ZC3H4: variants seen among roughly 807,000 people sequenced by gnomAD.
ZC3H4 encodes zinc finger CCCH domain-containing protein 4.
In ZC3H4, 13 loss-of-function variants were observed where a neutral mutation model predicts 108.3. The observed-to-expected ratio is 0.12, with a 90% CI of 0.08 to 0.19. The LOEUF (loss-of-function observed/expected upper bound fraction) is 0.19, where lower values mean the gene tolerates loss of function less well. ZC3H4 is among the 10% of genes least tolerant of loss of function. The probability of loss-of-function intolerance (pLI) is 1.00; values close to 1 mark genes in which losing one functional copy is unlikely to be tolerated. For missense variants in ZC3H4, 1,734 were observed against 1,838.8 expected, an observed-to-expected ratio of 0.94 and a Z score of 1.04; for synonymous variants, 917 against 749.6, an observed-to-expected ratio of 1.22 and a Z score of -3.65.
At chr19:47,079,072 C>T (rs150600173) in intron 11 of ZC3H4, among the ~76,000 whole-genome samples, 1 of 149,960 alleles carries the variant, frequency 6.7e-6, no homozygotes, top group Admixed American at 6.6e-5. Flanking sequence ...TCTTGTTGCC[C>T]AGGCTGGAGT....
At chr19:47,099,459 C>CA (rs1163189126) in intron 2 of ZC3H4, among the ~76,000 whole-genome samples, 1,888 of 127,570 alleles carry the variant, frequency 0.015, 25 homozygotes, top group African/African-American at 0.028. Flanking sequence ...AACTCCGTCT[C>CA]AAAAAAAAAA....
intron 2 of ZC3H4, chr19:47,112,079 C>A (rs2058046406): frequency 4.5e-5 from 45 of 1,005,392 alleles, no homozygotes; most frequent in Non-Finnish European, 5.2e-5. Flanking sequence ...GTCTCCGCAG[C>A]ACCCCCCACG....
chr19:47,100,430 T>C (rs1009543988), intron 2 of ZC3H4, among the ~76,000 whole-genome samples: 2 of 152,072 alleles, frequency 1.3e-5, no homozygotes, highest in Admixed American at 1.3e-4. Flanking sequence ...GCCATTTCCA[T>C]GGTAACGTGC....
At chr19:47,094,991 GC>G (rs1233043590) in intron 2 of ZC3H4, among the ~76,000 whole-genome samples, 1 of 152,216 alleles carries the variant, frequency 6.6e-6, no homozygotes, top group African/African-American at 2.4e-5. Flanking sequence ...CTTCCAGGAA[GC>G]CCCATAGTCC....
chr19:47,072,704 C>T lies in ZC3H4; in HGVS notation c.1450G>A (p.Asp484Asn), dbSNP rs764830904. The T allele has an allele frequency of 1.6e-5, 26 of 1,613,598 alleles. No individual in the cohort carries two copies. Among genetic ancestry groups the T allele is most frequent in the Middle Eastern group, 1.6e-4 (1 of 6,082 alleles). Residue 484 changes from aspartate (D) to asparagine (N), a missense_variant, in exon 12 of 15, where the codon GAT (aspartate) becomes AAT (asparagine). By Grantham distance (23) the Asp-to-Asn change is conservative. Around this residue, in one of 9 missense-constraint regions of ZC3H4, gnomAD observed 66 missense variants for 166.8 expected, o/e 0.40. Transcript: ENST00000253048. The surrounding 1 kb of genome is among the most constrained non-coding windows in gnomAD (Gnocchi z 5.6). ...TCCTCGGCACCTGCTTCTGCATCAT[C>T]GGCCAACATCTGCGGGTGTGAAAGA... ...TRELLDKMLA[D>N]DAEAGAEDEK... is the part of the protein sequence containing the mutation.
Position 47,067,480 on chromosome 19 carries a change from G to T in ZC3H4, c.2788C>A (p.Arg930=), listed in dbSNP as rs780062948. The change falls in exon 15 of 15, where the codon CGG becomes AGG. Residue 930 remains arginine (R), a synonymous_variant. Transcript: ENST00000253048. The surrounding 1 kb of genome is among the most constrained non-coding windows in gnomAD (Gnocchi z 6.4). ...TTCACGGCCTTCTCCCGCAGGGCCC[G>T]CTCCCCTTCCTCCTCCTCCGTTGGG... ...PPPTEEEEGE[R]ALREKAVNIP... 6.3e-7 allele frequency: 1 copy of T among 1,581,444 alleles called. No homozygotes were observed. The highest frequency in any genetic ancestry group is 8.6e-7 in the Non-Finnish European group (1 of 1,162,286).
rs2057354283 is a variant in ZC3H4 at position 47,072,776 on chromosome 19, G to C, written c.1441-63C>G. On this transcript the variant is annotated intron_variant, in intron 11 of 14. Coordinates refer to ENST00000253048, the MANE Select transcript of ZC3H4 (RefSeq NM_015168.2). The surrounding 1 kb of genome is among the most constrained non-coding windows in gnomAD (Gnocchi z 5.6). ...GTCAGGATGGAAACGGACCTCTCCAGGTCTGAGAGCTGAAGTTTATGAGGA... is the reference window on the plus strand; with the variant it reads ...GTCAGGATGGAAACGGACCTCTCCACGTCTGAGAGCTGAAGTTTATGAGGA... The C allele has an allele frequency of 6.3e-7, 1 of 1,584,310 alleles. No homozygotes were observed. Among genetic ancestry groups the C allele is most frequent in the Non-Finnish European group, 8.6e-7 (1 of 1,165,590 alleles).
intron 2 of ZC3H4, among the ~76,000 whole-genome samples, chr19:47,109,733 CT>C (rs1394480234): frequency 6.6e-6 from 1 of 152,112 alleles, no homozygotes; most frequent in Non-Finnish European, 1.5e-5. Flanking sequence ...TGTGCGTGAC[CT>C]TTTTTCCTTG....
chr19:47,106,726 C>T (rs1368933834), intron 2 of ZC3H4, among the ~76,000 whole-genome samples: 1 of 152,150 alleles, frequency 6.6e-6, no homozygotes, highest in East Asian at 1.9e-4. Context: ...AACCCTAGCC[C>T]GACTCTAAAT....
intron 11 of ZC3H4, among the ~76,000 whole-genome samples, chr19:47,080,211 C>T (rs895600591): frequency 6.6e-6 from 1 of 152,178 alleles, no homozygotes; most frequent in Admixed American, 6.5e-5. Flanking sequence ...CCACTCACTC[C>T]CCAGATGAAT....
At position 47,069,247 on chromosome 19, in the gene ZC3H4, G is replaced by A; in HGVS notation, c.2243C>T (p.Pro748Leu). ...GGCGCCTGGCTTCGGCCGGCCTGGG[G>A]GCCCTCCCTCAGAGAAGCTGTCGGG... ...LEPDSFSEGGPPGRPKPGAGV... is the reference protein window; with the variant it reads ...LEPDSFSEGGLPGRPKPGAGV... Residue 748 changes from proline to leucine, a missense_variant, in exon 14 of 15, where the codon CCC becomes CTC. By Grantham distance (98) the Pro-to-Leu change is moderately conservative. Coordinates refer to ENST00000253048, the MANE Select transcript of ZC3H4 (RefSeq NM_015168.2). 1.2e-6 allele frequency: 2 copies of A among 1,613,800 alleles called. No individual in the cohort carries two copies. The highest frequency in any genetic ancestry group is 1.1e-5 in the South Asian group (1 of 91,086).
chr19:47,065,111 G>A lies in ZC3H4; in HGVS notation c.*1245C>T, dbSNP rs1417579876. The A allele has an allele frequency of 1.3e-5, 2 of 152,354 alleles. No individual in the cohort carries two copies. The highest frequency in any genetic ancestry group is 2.4e-5 in the African/African-American group (1 of 41,438). The allele number at this position is 152,354 out of a possible 1,614,324, so 9.4% of individuals were successfully genotyped here. On this transcript the variant is annotated 3_prime_UTR_variant, in exon 15 of 15. Coordinates refer to ENST00000253048, the MANE Select transcript of ZC3H4 (RefSeq NM_015168.2). ...ATCTCTCGGGCTGTGTCCATAGGTGGGCCTCCTCCAGGGCTCTGCAGATGA... is the reference window on the plus strand; with the variant it reads ...ATCTCTCGGGCTGTGTCCATAGGTGAGCCTCCTCCAGGGCTCTGCAGATGA...
intron 9 of ZC3H4, 64 bp from the exon 10 acceptor site, chr19:47,082,359 C>T: frequency 8.1e-7 from 1 of 1,239,578 alleles, no homozygotes; most frequent in Non-Finnish European, 1.2e-6. Context: ...CTTCTGTCTG[C>T]AAAGGGAAGA....
rs1305185099 is a variant in ZC3H4 at position 47,072,086 on chromosome 19, C to A, written c.1838G>T (p.Gly613Val). ...PGPGGPPGPM[G>V]PGPNMGPPGP... Reference sequence around the variant, plus strand: ...TGGGGGTCCCATGTTGGGCCCAGGGCCCATTGGCCCTGGGGGTCCACCGGG... The same window carrying A: ...TGGGGGTCCCATGTTGGGCCCAGGGACCATTGGCCCTGGGGGTCCACCGGG... Residue 613 changes from glycine to valine, a missense_variant, in exon 13 of 15, where the codon GGC becomes GTC. Gly to Val is a moderately radical substitution (Grantham distance 109, BLOSUM62 -3). Transcript: ENST00000253048. This position sits in a 1 kb window ranked among gnomAD's most constrained non-coding sequence, Gnocchi z 5.6. The A allele has an allele frequency of 1.9e-6, 3 of 1,561,172 alleles. No individual in the cohort carries two copies. The highest frequency in any genetic ancestry group is 8.6e-7 in the Non-Finnish European group (1 of 1,157,190).
chr19:47,070,206 G>A (rs1317327729), intron 13 of ZC3H4, among the ~76,000 whole-genome samples: 2 of 152,188 alleles, frequency 1.3e-5, no homozygotes, highest in Non-Finnish European at 1.5e-5. Context: ...AGATCTGCAG[G>A]GCAACATGTG....
At chr19:47,108,275 C>T (rs2057992512) in intron 2 of ZC3H4, among the ~76,000 whole-genome samples, 1 of 152,196 alleles carries the variant, frequency 6.6e-6, no homozygotes, top group Non-Finnish European at 1.5e-5. Flanking sequence ...ACTAGAATTA[C>T]TGTTCGTGGG....
chr19:47,107,740 C>G (rs1046207325), intron 2 of ZC3H4, among the ~76,000 whole-genome samples: 5 of 151,826 alleles, frequency 3.3e-5, no homozygotes, highest in Non-Finnish European at 5.9e-5. Context: ...TCAACAACTA[C>G]TAAGAGTCAC....
Position 47,066,955 on chromosome 19 carries a change from G to A in ZC3H4, c.3313C>T (p.Pro1105Ser), listed in dbSNP as rs763675755. The change falls in exon 15 of 15, where the codon CCC becomes TCC. Residue 1105 changes from proline (P) to serine (S), a missense_variant. Physicochemically the swap from Pro to Ser is moderately conservative, Grantham distance 74 (BLOSUM62 -1). Transcript: ENST00000253048. ...AKPGPAEAPS[P>S]TASPSGDASP... Reference sequence around the variant, plus strand: ...GCATCCCCACTCGGGCTGGCGGTGGGAGAGGGCGCCTCAGCAGGGCCGGGC... The same window carrying A: ...GCATCCCCACTCGGGCTGGCGGTGGAAGAGGGCGCCTCAGCAGGGCCGGGC... 8.2e-6 allele frequency: 13 copies of A among 1,594,146 alleles called. No individual in the cohort carries two copies. The highest frequency in any genetic ancestry group is 1.1e-5 in the South Asian group (1 of 89,552).
chr19:47,111,375 A>T (rs942895268), intron 2 of ZC3H4, among the ~76,000 whole-genome samples: 9 of 152,102 alleles, frequency 5.9e-5, no homozygotes, highest in Non-Finnish European at 8.8e-5. Context: ...TTTCGGACTT[A>T]ATAAAGAGAA....
Sources: allele counts gnomAD v4.1 joint callset (sites outside exome capture counted in the v4.1 genomes callset), GRCh38; gene constraint gnomAD v4.1.1; regional missense constraint gnomAD v4.1.1; non-coding constraint Gnocchi (gnomAD v3.1); transcripts MANE v1.5; gene names NCBI Gene and HGNC (gene_info 2026-07-23, HGNC 2026-07-21).